CIB2: variants seen among roughly 807,000 people sequenced by gnomAD.
CIB2 encodes calcium and integrin binding family member 2.
Under a neutral mutation model 23.1 loss-of-function variants are expected in CIB2, and 19 were observed. That is an observed-to-expected ratio of 0.82 (90% CI 0.57 to 1.21). The LOEUF (loss-of-function observed/expected upper bound fraction) is 1.21. Among genes scored for constraint, CIB2 ranks in the 50% most tolerant of loss-of-function variants. CIB2 has a pLI of 0.00. For missense variants in CIB2, 220 were observed against 241.5 expected (o/e 0.91, Z 0.59); for synonymous variants, 94 against 91.7 (o/e 1.03, Z -0.14).
intron 3 of CIB2, among the ~76,000 whole-genome samples, chr15:78,110,497 G>C (rs1596350127): frequency 6.6e-6 from 1 of 152,212 alleles, no homozygotes; most frequent in East Asian, 1.9e-4. Flanking sequence ...ACACATCCCA[G>C]GCCTGGCAAG....
chr15:78,127,497 C>T (rs1286319544), intron 1 of CIB2, among the ~76,000 whole-genome samples: 3 of 152,118 alleles, frequency 2.0e-5, no homozygotes, highest in Non-Finnish European at 4.4e-5. Flanking sequence ...AGTAGAAGCC[C>T]AGACGTTTTC....
chr15:78,108,215 A>G (rs556532511), intron 4 of CIB2, among the ~76,000 whole-genome samples: 41 of 151,728 alleles, frequency 2.7e-4, no homozygotes, highest in Admixed American at 5.9e-4. Flanking sequence ...AAAAAAAAAA[A>G]AAAAGAAAAG....
intron 2 of CIB2, chr15:78,120,675 G>A: frequency 2.0e-6 from 2 of 985,432 alleles, no homozygotes; most frequent in South Asian, 4.7e-5. Context: ...GGTGGGGGCA[G>A]GGCAGAGGGA....
intron 3 of CIB2, 113 bp downstream of exon 3, chr15:78,111,052 C>G: frequency 1.1e-6 from 1 of 871,812 alleles, no homozygotes; most frequent in Non-Finnish European, 1.9e-6. Context: ...GTGATCTGCT[C>G]AGAGCCACGC....
At chr15:78,122,871 G>A (rs1040347167) in intron 2 of CIB2, among the ~76,000 whole-genome samples, 5 of 152,242 alleles carry the variant, frequency 3.3e-5, no homozygotes, top group African/African-American at 1.2e-4. Context: ...TTAGGGCAGT[G>A]ACAAGCTGCA....
chr15:78,127,551 A>G (rs1343794438), intron 1 of CIB2, among the ~76,000 whole-genome samples: 1 of 152,118 alleles, frequency 6.6e-6, no homozygotes, highest in Admixed American at 6.5e-5. Context: ...TATTCACCCT[A>G]TTCCCCAACT....
intron 4 of CIB2, 41 bp downstream of exon 4, chr15:78,109,194 C>CT: frequency 7.9e-7 from 1 of 1,268,878 alleles, no homozygotes; most frequent in Non-Finnish European, 1.1e-6. Flanking sequence ...CCACATGTTC[C>CT]CCCACCGCAT....
At chr15:78,129,856 C>T (rs1166817056) in intron 1 of CIB2, among the ~76,000 whole-genome samples, 1 of 152,184 alleles carries the variant, frequency 6.6e-6, no homozygotes, top group Admixed American at 6.5e-5. Context: ...GCTAATAATC[C>T]ACCTCACTGT....
intron 2 of CIB2, among the ~76,000 whole-genome samples, chr15:78,122,888 C>A (rs2074337906): frequency 6.6e-6 from 1 of 152,212 alleles, no homozygotes; most frequent in South Asian, 2.1e-4. Context: ...TGCAGCACAG[C>A]TCTCTTGGGA....
Position 78,111,326 on chromosome 15 carries a change from C to T in CIB2, c.87-50G>A, listed in dbSNP as rs75314194. 26,381 of 1,483,132 alleles carry T rather than the reference C, an allele frequency of 0.018. 278 individuals carry two copies. The highest frequency in any genetic ancestry group is 0.021 in the Non-Finnish European group (21,977 of 1,071,866). The allele number at this position is 1,483,132 out of a possible 1,614,324, so 91.9% of individuals were successfully genotyped here. A position where few individuals can be genotyped will look rare whatever the true frequency, so the allele number is the denominator to read the frequency against. On this transcript the variant is annotated intron_variant, in intron 2 of 5. Coordinates refer to ENST00000258930, the MANE Select transcript of CIB2 (RefSeq NM_006383.4). ...GCTGGAGGGGGTGCCATCCCTAAGC[C>T]CCAGCAGCCCGGTGCTGTCCTGCCT...
At position 78,111,441 on chromosome 15, in the gene CIB2, G is replaced by A. The variant is rs531471016; in HGVS notation, c.87-165C>T. Among the ~76,000 whole-genome samples the A allele has an allele frequency of 2.0e-5, 3 of 152,264 alleles. No individual in the cohort carries two copies. The South Asian group carries it at 6.2e-4, about 32-fold the overall frequency. On this transcript the variant is annotated intron_variant, in intron 2 of 5. Transcript: ENST00000258930. ...GCTCTGCCCACAGGGTGTGAAGTTGGGAGGGAGGTGAGTTCTGCCCAGACC... is the reference window on the plus strand; with the variant it reads ...GCTCTGCCCACAGGGTGTGAAGTTGAGAGGGAGGTGAGTTCTGCCCAGACC...
At chr15:78,118,485 AGG>A (rs1274851194) in intron 2 of CIB2, among the ~76,000 whole-genome samples, 1 of 151,086 alleles carries the variant, frequency 6.6e-6, no homozygotes, top group East Asian at 2.0e-4. Flanking sequence ...GCTACTCAGG[AGG>A]CTGAGGCAGG....
chr15:78,105,102 G>A lies in CIB2; in HGVS notation c.*209C>T. On this transcript the variant is annotated 3_prime_UTR_variant, in exon 6 of 6. Coordinates refer to ENST00000258930, the MANE Select transcript of CIB2 (RefSeq NM_006383.4). ...GAGAGAGGCCATGGGTCCCGGGGCT[G>A]GACCACAGCGGGGCTGTGGGAAGGG... is the stretch of plus-strand genomic sequence containing the variant. The A allele has an allele frequency of 3.1e-6, 2 of 642,788 alleles. No homozygotes were observed. Among genetic ancestry groups the A allele is most frequent in the Non-Finnish European group, 5.2e-6 (2 of 383,232 alleles). The allele number at this position is 642,788 out of a possible 1,614,324, so 39.8% of individuals were successfully genotyped here.
intron 2 of CIB2, among the ~76,000 whole-genome samples, chr15:78,122,777 C>T (rs76542449): frequency 0.035 from 5,308 of 152,306 alleles, 138 homozygotes; most frequent in East Asian, 0.15. Flanking sequence ...AGTGGGGTAT[C>T]CCCTGCCCAT....
At chr15:78,130,710 A>G (rs2074441829) in intron 1 of CIB2, among the ~76,000 whole-genome samples, 1 of 152,072 alleles carries the variant, frequency 6.6e-6, no homozygotes, top group African/African-American at 2.4e-5. Flanking sequence ...GCATGTGGGG[A>G]CTGATGCACC....
At chr15:78,120,419 TA>T in intron 2 of CIB2, 2 of 393,604 alleles carry the variant, frequency 5.1e-6, no homozygotes, top group Non-Finnish European at 6.9e-6. Context: ...GTTGAGAAAA[TA>T]AACAATAAAA....
chr15:78,122,954 T>C (rs887538932), intron 2 of CIB2, among the ~76,000 whole-genome samples: 1 of 152,230 alleles, frequency 6.6e-6, no homozygotes, highest in Non-Finnish European at 1.5e-5. Context: ...CAAGTGATCC[T>C]GGGACTTTGC....
intron 2 of CIB2, among the ~76,000 whole-genome samples, chr15:78,112,935 T>C (rs1157999047): frequency 6.6e-6 from 1 of 152,214 alleles, no homozygotes; most frequent in Non-Finnish European, 1.5e-5. Context: ...AGCTATCGTT[T>C]AGCAAGTGCT....
rs1596367848 is a variant in CIB2, at chr15:78,131,413, G to C, written c.-198C>G. ...TCTCGGAGGCGGGGACGGGAACCCG[G>C]AGCGGCAGCGACTCCGCCGCCGGCG... On this transcript the variant is annotated 5_prime_UTR_variant, in exon 1 of 6. Coordinates refer to ENST00000258930, the MANE Select transcript of CIB2 (RefSeq NM_006383.4). This position sits in a 1 kb window ranked among gnomAD's most constrained non-coding sequence, Gnocchi z 5.8. The C allele has an allele frequency of 4.7e-6, 1 of 214,250 alleles. No homozygotes were observed. The highest frequency in any genetic ancestry group is 1.4e-4 in the East Asian group (1 of 7,200). 13.3% of individuals were successfully genotyped at this position (214,250 alleles called of 1,614,324 possible). A position where few individuals can be genotyped will look rare whatever the true frequency, so the allele number is the denominator to read the frequency against.
Sources: allele counts gnomAD v4.1 joint callset (sites outside exome capture counted in the v4.1 genomes callset), GRCh38; gene constraint gnomAD v4.1.1; non-coding constraint Gnocchi (gnomAD v3.1); transcripts MANE v1.5; gene names NCBI Gene and HGNC (gene_info 2026-07-23, HGNC 2026-07-21).